Variants in PPM1E observed in about 807,000 individuals in gnomAD.
PPM1E encodes the protein protein phosphatase 1E.
In PPM1E, 20 loss-of-function variants were observed where a neutral mutation model predicts 65.9. The ratio of observed to expected loss-of-function variants is 0.30; its 90% CI spans 0.21 to 0.44. The LOEUF is 0.44. PPM1E is among the 20% of genes least tolerant of loss of function. The probability of loss-of-function intolerance (pLI) is 1.00; values close to 1 mark genes in which losing one functional copy is unlikely to be tolerated. For missense variants in PPM1E, 713 were observed against 953.1 expected, an observed-to-expected ratio of 0.75 and a Z score of 3.32; for synonymous variants, 352 against 374.9, an observed-to-expected ratio of 0.94 and a Z score of 0.70.
At chr17:58,773,606 A>G (rs1228221617) in intron 1 of PPM1E, among the ~76,000 whole-genome samples, 4 of 152,052 alleles carry the variant, frequency 2.6e-5, no homozygotes, top group African/African-American at 9.7e-5. Flanking sequence ...ATTAAATTGT[A>G]CCTTCCTTGA....
chr17:58,894,677 CACATACAT>C (rs142128040), intron 1 of PPM1E, among the ~76,000 whole-genome samples: 1,693 of 152,258 alleles, frequency 0.011, 36 homozygotes, highest in African/African-American at 0.039. Flanking sequence ...TATACACACA[CACATACAT>C]ATACACACAA....
At chr17:58,836,400 T>G (rs1026276625) in intron 1 of PPM1E, among the ~76,000 whole-genome samples, 3 of 151,712 alleles carry the variant, frequency 2.0e-5, no homozygotes, top group Non-Finnish European at 4.4e-5. Flanking sequence ...GGTATGAGGA[T>G]TTAATGAGCC....
At chr17:58,797,251 C>T (rs1239604766) in intron 1 of PPM1E, among the ~76,000 whole-genome samples, 2 of 151,990 alleles carry the variant, frequency 1.3e-5, no homozygotes, top group Non-Finnish European at 2.9e-5. Context: ...CAATACAATG[C>T]GTAAATCTTA....
intron 1 of PPM1E, among the ~76,000 whole-genome samples, chr17:58,912,952 G>A (rs2051644687): frequency 6.6e-6 from 1 of 152,028 alleles, no homozygotes; most frequent in South Asian, 2.1e-4. Flanking sequence ...AACTCCACAG[G>A]GACAGAAGCT....
rs142743030 is a variant in PPM1E, at chr17:58,964,629, G to A, written c.584-1065G>A. Among the ~76,000 whole-genome samples the A allele has an allele frequency of 8.5e-3, 1,295 of 152,234 alleles. 11 individuals carry two copies. The highest frequency in any genetic ancestry group is 0.012 in the Non-Finnish European group (818 of 68,010). On this transcript the variant is annotated intron_variant, in intron 2 of 6. Coordinates refer to ENST00000308249, the MANE Select transcript of PPM1E (RefSeq NM_014906.5). ...TGTCTTTTTCTATCTAGGATCACAC[G>A]CATAGACAGAACTTAAGTAATTTTT...
At chr17:58,909,048 A>G (rs1475895916) in intron 1 of PPM1E, among the ~76,000 whole-genome samples, 1 of 152,154 alleles carries the variant, frequency 6.6e-6, no homozygotes, top group Non-Finnish European at 1.5e-5. Context: ...AGAAAAATAC[A>G]AGGTTTAATT....
At chr17:58,937,879 CAAAAAA>C (rs1226139023) in intron 1 of PPM1E, among the ~76,000 whole-genome samples, 58 of 82,944 alleles carry the variant, frequency 7.0e-4, no homozygotes, top group African/African-American at 2.8e-3. Context: ...GACTCCATCT[CAAAAAA>C]AAAAAAAAAA....
intron 1 of PPM1E, among the ~76,000 whole-genome samples, chr17:58,830,408 C>T (rs1349396189): frequency 3.3e-5 from 5 of 151,566 alleles, no homozygotes; most frequent in African/African-American, 9.7e-5. Context: ...CCCAGGTTCA[C>T]GCCATTCTCC....
intron 1 of PPM1E, among the ~76,000 whole-genome samples, chr17:58,774,165 C>CA (rs1263145640): frequency 6.6e-6 from 1 of 150,698 alleles, no homozygotes; most frequent in Non-Finnish European, 1.5e-5. Context: ...TCTGTCCCCC[C>CA]CCCCCAAAAA....
chr17:58,896,843 A>G (rs1302277661), intron 1 of PPM1E, among the ~76,000 whole-genome samples: 1 of 152,208 alleles, frequency 6.6e-6, no homozygotes, highest in Non-Finnish European at 1.5e-5. Context: ...TTTCATAACT[A>G]CAGAGGATAA....
intron 1 of PPM1E, among the ~76,000 whole-genome samples, chr17:58,823,718 G>A (rs2050503483): frequency 6.6e-6 from 1 of 152,114 alleles, no homozygotes; most frequent in African/African-American, 2.4e-5. Context: ...ACGAGGTGCA[G>A]AATTTAAATT....
intron 1 of PPM1E, among the ~76,000 whole-genome samples, chr17:58,929,440 GT>G (rs1425199154): frequency 6.6e-6 from 1 of 152,132 alleles, no homozygotes; most frequent in Non-Finnish European, 1.5e-5. Context: ...TTTATTATAT[GT>G]AAATTTTACT....
At chr17:58,779,198 G>A (rs1236754787) in intron 1 of PPM1E, among the ~76,000 whole-genome samples, 4 of 138,502 alleles carry the variant, frequency 2.9e-5, no homozygotes, top group South Asian at 2.3e-4. Context: ...TTTTTGAGTC[G>A]GAGTTTTGCT....
chr17:58,927,422 AC>A (rs2051837576), intron 1 of PPM1E, among the ~76,000 whole-genome samples: 1 of 151,436 alleles, frequency 6.6e-6, no homozygotes, highest in Non-Finnish European at 1.5e-5. Context: ...GAGCCACCGC[AC>A]CCAGCCGACT....
chr17:58,880,436 A>G (rs756285876), intron 1 of PPM1E, among the ~76,000 whole-genome samples: 7 of 152,234 alleles, frequency 4.6e-5, no homozygotes, highest in South Asian at 2.1e-4. Context: ...CCAAAGATGT[A>G]TAAACATAAG....
chr17:58,874,958 C>T (rs2051112422), intron 1 of PPM1E, among the ~76,000 whole-genome samples: 3 of 152,136 alleles, frequency 2.0e-5, no homozygotes, highest in African/African-American at 7.2e-5. Context: ...TCCCCTCCTG[C>T]CCCATTTTCT....
chr17:58,922,490 G>A (rs1474234451), intron 1 of PPM1E, among the ~76,000 whole-genome samples: 1 of 151,994 alleles, frequency 6.6e-6, no homozygotes, highest in African/African-American at 2.4e-5. Flanking sequence ...CTGGCTTCAA[G>A]CAATCCTCCT....
chr17:58,940,716 G>GT (rs57066109), intron 1 of PPM1E, among the ~76,000 whole-genome samples: 11,300 of 150,922 alleles, frequency 0.075, 936 homozygotes, highest in African/African-American at 0.21. Flanking sequence ...TGTTTTTTGG[G>GT]TTTTTTTTTG....
chr17:58,954,743 T>C (rs1285260457), intron 1 of PPM1E, among the ~76,000 whole-genome samples: 2 of 151,928 alleles, frequency 1.3e-5, no homozygotes, highest in Non-Finnish European at 2.9e-5. Context: ...CCAGGCATGG[T>C]GACATACACC....
Sources: gnomAD v4.1 joint callset for allele counts (sites outside exome capture counted in the v4.1 genomes callset) on GRCh38, gnomAD v4.1.1 for gene constraint, MANE v1.5 for transcripts, NCBI Gene and HGNC (gene_info 2026-07-23, HGNC 2026-07-21) for gene names.